The following MMP26 variants were observed in gnomAD, a reference collection of about 807,000 sequenced individuals.
MMP26 encodes matrix metallopeptidase 26.
MMP26 carries 33 observed loss-of-function variants against 31.0 expected under a neutral mutation model. The ratio of observed to expected loss-of-function variants is 1.06; its 90% CI spans 0.81 to 1.42. The LOEUF (loss-of-function observed/expected upper bound fraction) is 1.42. Ranked by LOEUF, MMP26 falls within the 40% of genes most tolerant of loss-of-function variation. MMP26 has a pLI of 0.00. For synonymous variants in MMP26, 122 were observed against 114.9 expected (o/e 1.06, Z -0.40); for missense variants, 347 against 316.1 (o/e 1.10, Z -0.74).
chr11:4,803,461 A>G, intron 2 of MMP26: 1 of 1,611,048 alleles, frequency 6.2e-7, no homozygotes, highest in Non-Finnish European at 8.5e-7. Flanking sequence ...ACATCCTTGG[A>G]TAACCCTGTC....
At chr11:4,826,536 T>G (rs1049640157) in intron 2 of MMP26, among the ~76,000 whole-genome samples, 1 of 152,188 alleles carries the variant, frequency 6.6e-6, no homozygotes. Context: ...AAGAAAGCTA[T>G]GCACTGCTGG....
At chr11:4,789,530 C>CTA (rs1848993334) in intron 2 of MMP26, among the ~76,000 whole-genome samples, 1 of 65,942 alleles carries the variant, frequency 1.5e-5, no homozygotes, top group Non-Finnish European at 2.7e-5. Context: ...TATCCCCCCA[C>CTA]TTTTTTTTTT....
chr11:4,857,540 C>G (rs993972529), intron 2 of MMP26, among the ~76,000 whole-genome samples: 1 of 152,130 alleles, frequency 6.6e-6, no homozygotes, highest in African/African-American at 2.4e-5. Context: ...AGTTGAATCC[C>G]TGAATAGACC....
chr11:4,893,148 T>C (rs1011458951), intron 2 of MMP26, among the ~76,000 whole-genome samples: 1 of 152,114 alleles, frequency 6.6e-6, no homozygotes, highest in African/African-American at 2.4e-5. Flanking sequence ...CTACGTAGTA[T>C]AATATACATA....
intron 2 of MMP26, among the ~76,000 whole-genome samples, chr11:4,798,537 G>A (rs1179943013): frequency 3.3e-5 from 5 of 152,192 alleles, no homozygotes; most frequent in African/African-American, 9.7e-5. Flanking sequence ...GAAACATACT[G>A]CTTTGCATGT....
chr11:4,944,226 C>A, intron 2 of MMP26: 1 of 370,462 alleles, frequency 2.7e-6, no homozygotes, highest in African/African-American at 2.2e-5. Flanking sequence ...CATACGTAGT[C>A]CTGAATTTAA....
intron 2 of MMP26, among the ~76,000 whole-genome samples, chr11:4,929,310 A>G (rs1172917958): frequency 6.6e-6 from 1 of 152,146 alleles, no homozygotes; most frequent in Non-Finnish European, 1.5e-5. Context: ...TTGGCAAAAG[A>G]AAGTTTGTGC....
Position 4,835,302 on chromosome 11 carries a change from G to T in MMP26, c.-145+67961G>T, listed in dbSNP as rs557427940. On this transcript the variant is annotated intron_variant, in intron 2 of 7. Transcript: ENST00000380390. ...TGTTTATCAAGTAGACCAACCCAGA[G>T]ATCTGGCTTTTGCAAGGCTTTTCCC... is the stretch of plus-strand genomic sequence containing the variant. 9.9e-5 allele frequency among the ~76,000 whole-genome samples: 15 copies of T among 151,912 alleles called. No individual in the cohort carries two copies. The South Asian group carries it at 2.9e-3, about 29-fold the overall frequency.
At chr11:4,785,610 T>C (rs149784027) in intron 2 of MMP26, among the ~76,000 whole-genome samples, 83 of 152,332 alleles carry the variant, frequency 5.4e-4, no homozygotes, top group Non-Finnish European at 9.4e-4. Context: ...ATTTCATTAT[T>C]TTCATAATTA....
rs185822717 is a variant in MMP26, at chr11:4,978,567, G to A, written c.-144-9501G>A. Among the ~76,000 whole-genome samples the A allele has an allele frequency of 2.8e-3, 421 of 152,178 alleles. 8 individuals carry two copies. The highest frequency in any genetic ancestry group is 9.9e-3 in the African/African-American group (411 of 41,524). The stretch of plus-strand genomic sequence containing the variant: ...GTTCTCAGAGTGGGTAAATGGAAGC[G>A]ATGTTTAGTAATGACAACACTGTTT... On this transcript the variant is annotated intron_variant, in intron 2 of 7. Coordinates refer to ENST00000380390, the MANE Select transcript of MMP26 (RefSeq NM_021801.5).
intron 2 of MMP26, among the ~76,000 whole-genome samples, chr11:4,901,456 G>A (rs972106725): frequency 6.6e-6 from 1 of 151,946 alleles, no homozygotes; most frequent in African/African-American, 2.4e-5. Context: ...CACCATGCCC[G>A]GCCCCCTCTT....
intron 2 of MMP26, among the ~76,000 whole-genome samples, chr11:4,879,471 A>T (rs187986518): frequency 2.1e-3 from 314 of 152,222 alleles, no homozygotes; most frequent in Non-Finnish European, 3.2e-3. Context: ...GATGGTTAAG[A>T]TGGAAAGCTT....
chr11:4,966,847 G>A (rs1422941087), intron 2 of MMP26, among the ~76,000 whole-genome samples: 1 of 152,182 alleles, frequency 6.6e-6, no homozygotes, highest in Non-Finnish European at 1.5e-5. Flanking sequence ...TCCTGTGAAA[G>A]CTTTTTTAAA....
intron 1 of MMP26, chr11:4,722,667 A>G: frequency 1.4e-6 from 1 of 694,224 alleles, no homozygotes; most frequent in Admixed American, 2.0e-5. Context: ...TACCCTGCAC[A>G]GTGGCCTCCC....
intron 2 of MMP26, among the ~76,000 whole-genome samples, chr11:4,833,822 G>A (rs975480927): frequency 1.3e-5 from 2 of 152,180 alleles, no homozygotes; most frequent in Non-Finnish European, 2.9e-5. Context: ...AGTGTTTATA[G>A]TAAAGATAAG....
intron 1 of MMP26, among the ~76,000 whole-genome samples, chr11:4,737,275 C>T (rs1204566577): frequency 6.6e-6 from 1 of 151,918 alleles, no homozygotes; most frequent in African/African-American, 2.4e-5. Flanking sequence ...ATATTTTTTT[C>T]CCTGCTGAGT....
At chr11:4,949,336 A>G (rs1408720312) in intron 2 of MMP26, among the ~76,000 whole-genome samples, 1 of 123,744 alleles carries the variant, frequency 8.1e-6, no homozygotes, top group Non-Finnish European at 1.8e-5. Context: ...TTTACATAAT[A>G]TGTTTTAAAA....
At chr11:4,804,270 C>G (rs773610816) in intron 2 of MMP26, 2 of 1,613,758 alleles carry the variant, frequency 1.2e-6, no homozygotes, top group Non-Finnish European at 1.7e-6. Flanking sequence ...CCACAGCATA[C>G]GTGGCACAGA....
At chr11:4,827,869 G>A (rs1849599335) in intron 2 of MMP26, among the ~76,000 whole-genome samples, 1 of 150,434 alleles carries the variant, frequency 6.6e-6, no homozygotes, top group African/African-American at 2.4e-5. Flanking sequence ...AGACAAACTT[G>A]TAATTTTTAT....
Sources: allele counts gnomAD v4.1 joint callset (sites outside exome capture counted in the v4.1 genomes callset), GRCh38; gene constraint gnomAD v4.1.1; transcripts MANE v1.5; gene names NCBI Gene and HGNC (gene_info 2026-07-23, HGNC 2026-07-21).